The following AAK1 variants were observed in gnomAD, a reference collection of about 807,000 sequenced individuals.
AAK1 encodes AP2-associated protein kinase 1.
In AAK1, 37 loss-of-function variants were observed where a neutral mutation model predicts 116.0. That is an observed-to-expected ratio of 0.32 (90% confidence interval 0.25 to 0.42). AAK1 has a LOEUF of 0.42. Ranked by LOEUF, AAK1 falls within the 10% of genes least tolerant of loss-of-function variation. The probability of loss-of-function intolerance (pLI) is 1.00; values close to 1 mark genes in which losing one functional copy is unlikely to be tolerated. For missense variants in AAK1, 919 were observed against 1,170.6 expected (o/e 0.79, Z 3.14); for synonymous variants, 458 against 439.9 (o/e 1.04, Z -0.51).
At chr2:69,484,609 A>G (rs1392291113) in intron 17 of AAK1, among the ~76,000 whole-genome samples, 1 of 152,194 alleles carries the variant, frequency 6.6e-6, no homozygotes, top group Non-Finnish European at 1.5e-5. Flanking sequence ...CCTGGCCAAC[A>G]TGGGGAAATC....
At chr2:69,555,112 C>T (rs1245290558) in intron 3 of AAK1, among the ~76,000 whole-genome samples, 2 of 152,144 alleles carry the variant, frequency 1.3e-5, no homozygotes, top group Admixed American at 1.3e-4. Flanking sequence ...GGAAACAAAG[C>T]GTGTGAGAGC....
rs958958271 is a variant in AAK1 at position 69,474,537 on chromosome 2, A to T, written c.*1332T>A. The T allele has an allele frequency of 4.1e-6, 4 of 977,558 alleles. No homozygotes were observed. The highest frequency in any genetic ancestry group is 1.8e-5 in the African/African-American group (1 of 56,870). The allele number at this position is 977,558 out of a possible 1,614,324, so 60.6% of individuals were successfully genotyped here. A position where few individuals can be genotyped will look rare whatever the true frequency, so the allele number is the denominator to read the frequency against. On this transcript the variant is annotated 3_prime_UTR_variant, in exon 22 of 22. Coordinates refer to ENST00000409085, the MANE Select transcript of AAK1 (RefSeq NM_014911.5). ...AGTTAATAAAGAACTATGCTTTATT[A>T]TTTTTTTTTAATCTAGGAAGCCAAG...
chr2:69,582,423 G>A (rs1672589144), intron 2 of AAK1, among the ~76,000 whole-genome samples: 1 of 152,170 alleles, frequency 6.6e-6, no homozygotes, highest in Admixed American at 6.5e-5. Context: ...GTGTGTGCGT[G>A]CACACATGCA....
chr2:69,534,228 T>C (rs1670370294), intron 5 of AAK1, among the ~76,000 whole-genome samples: 2 of 152,196 alleles, frequency 1.3e-5, no homozygotes, highest in African/African-American at 4.8e-5. Context: ...ACTTGCTAAA[T>C]GTCACACAGC....
At position 69,473,268 on chromosome 2, in the gene AAK1, T is replaced by C; in HGVS notation, c.*2601A>G. 1.0e-6 allele frequency: 1 copy of C among 970,590 alleles called. No homozygotes were observed. Among genetic ancestry groups the C allele is most frequent in the Non-Finnish European group, 1.2e-6 (1 of 816,438 alleles). 60.1% of individuals were successfully genotyped at this position (970,590 alleles called of 1,614,324 possible). On this transcript the variant is annotated 3_prime_UTR_variant, in exon 22 of 22. Coordinates refer to ENST00000409085, the MANE Select transcript of AAK1 (RefSeq NM_014911.5). The stretch of plus-strand genomic sequence containing the variant: ...CAGCTCAGGTCCCACACCTGTAAAA[T>C]GAAGAGGATGGTGGACTAGAGGATG...
At chr2:69,574,402 G>GA in intron 2 of AAK1, among the ~76,000 whole-genome samples, 1 of 141,838 alleles carries the variant, frequency 7.1e-6, no homozygotes. Context: ...AAAAAAAAGA[G>GA]AAGAGAAAGA....
intron 16 of AAK1, among the ~76,000 whole-genome samples, chr2:69,500,733 A>ACACAC (rs1558913778): frequency 1.3e-4 from 18 of 142,792 alleles, no homozygotes; most frequent in African/African-American, 3.1e-4. Flanking sequence ...ACACACACAC[A>ACACAC]ACCATTTGCA....
At chr2:69,529,269 G>A (rs543716949) in intron 8 of AAK1, among the ~76,000 whole-genome samples, 2 of 152,282 alleles carry the variant, frequency 1.3e-5, no homozygotes, top group East Asian at 1.9e-4. Context: ...ACCCAAATGG[G>A]TTACTCAGGA....
At chr2:69,498,330 C>T (rs1439024411) in intron 16 of AAK1, among the ~76,000 whole-genome samples, 1 of 152,172 alleles carries the variant, frequency 6.6e-6, no homozygotes, top group Non-Finnish European at 1.5e-5. Context: ...CTCTGATTTC[C>T]TTCTTTCCCT....
intron 2 of AAK1, among the ~76,000 whole-genome samples, chr2:69,582,282 T>C (rs1458923559): frequency 6.6e-6 from 1 of 152,132 alleles, no homozygotes; most frequent in African/African-American, 2.4e-5. Context: ...ATATTTCAGA[T>C]CTCTTTGAAA....
chr2:69,554,335 A>G (rs936860754), intron 3 of AAK1, among the ~76,000 whole-genome samples: 3 of 152,196 alleles, frequency 2.0e-5, no homozygotes, highest in African/African-American at 7.2e-5. Flanking sequence ...ACTTAAGGAA[A>G]ATTGGGAATT....
chr2:69,525,232 G>T, intron 9 of AAK1, 120 bp from the exon 10 acceptor site: 1 of 933,788 alleles, frequency 1.1e-6, no homozygotes, highest in Non-Finnish European at 1.6e-6. Context: ...ATCTTCTGGA[G>T]CAGCTTCCAG....
At chr2:69,635,676 AG>A (rs1254290636) in intron 2 of AAK1, among the ~76,000 whole-genome samples, 1 of 152,366 alleles carries the variant, frequency 6.6e-6, no homozygotes, top group East Asian at 1.9e-4. Context: ...AAGTGAAATA[AG>A]CCAATGACAA....
chr2:69,503,267 A>G (rs975107985), intron 16 of AAK1, among the ~76,000 whole-genome samples: 1 of 152,252 alleles, frequency 6.6e-6, no homozygotes, highest in Non-Finnish European at 1.5e-5. Context: ...AAAAACTACT[A>G]ACATTCCTAA....
At position 69,608,418 on chromosome 2, in the gene AAK1, T is replaced by C. The variant is rs564917999; in HGVS notation, c.163+34460A>G. 4.6e-5 allele frequency among the ~76,000 whole-genome samples: 7 copies of C among 152,334 alleles called. No individual in the cohort carries two copies. The East Asian group carries it at 1.3e-3, about 29-fold the overall frequency. ...TGAAGAAGACAGAGACTCACAATTATCTCTCTAAGAATTCATCTCCCATGA... is the reference window on the plus strand; with the variant it reads ...TGAAGAAGACAGAGACTCACAATTACCTCTCTAAGAATTCATCTCCCATGA... On this transcript the variant is annotated intron_variant, in intron 2 of 21. Transcript: ENST00000409085.
At chr2:69,476,822 G>A in intron 21 of AAK1, 58 bp downstream of exon 21, 1 of 1,227,166 alleles carries the variant, frequency 8.1e-7, no homozygotes, top group Non-Finnish European at 1.2e-6. Context: ...TTAGGTGCAT[G>A]ACTATTTTGA....
rs1675858692 is a variant in AAK1 at position 69,643,632 on chromosome 2, C to G, written c.-292G>C. ...CAGCCCCGCGACATTGTCACGGCCG[C>G]CGGGCCGGCCTGCGACGCAGAGAAG... On this transcript the variant is annotated 5_prime_UTR_variant, in exon 1 of 22. Transcript: ENST00000409085. The G allele has an allele frequency of 1.2e-5, 15 of 1,228,290 alleles. No individual in the cohort carries two copies. The highest frequency in any genetic ancestry group is 1.5e-5 in the Non-Finnish European group (15 of 985,796). 76.1% of individuals were successfully genotyped at this position (1,228,290 alleles called of 1,614,324 possible).
intron 13 of AAK1, among the ~76,000 whole-genome samples, chr2:69,512,326 T>C (rs1366395815): frequency 6.6e-6 from 1 of 152,228 alleles, no homozygotes; most frequent in African/African-American, 2.4e-5. Flanking sequence ...TGGTACCTTA[T>C]ACTTTAAGTC....
chr2:69,476,887 G>C lies in AAK1; in HGVS notation c.2784C>G (p.Asn928Lys). 1 of 1,612,780 alleles carries C rather than the reference G, an allele frequency of 6.2e-7. No homozygotes were observed. Among genetic ancestry groups the C allele is most frequent in the Non-Finnish European group, 8.5e-7 (1 of 1,179,200 alleles). ...CCCCATCCTTTTTCTTACCTTGTGG[G>C]TTTTTGGTTATCAATACAGGAATAG... Reference protein sequence around the residue: ...FDPIPVLITKNPQGGHSRNSS... With the variant: ...FDPIPVLITKKPQGGHSRNSS... Residue 928 changes from asparagine to lysine, a missense_variant, in exon 21 of 22, where the codon AAC becomes AAG. This residue lies in a region of AAK1 where 263 missense variants were observed against 285.5 expected (regional missense o/e 0.92). Coordinates refer to ENST00000409085, the MANE Select transcript of AAK1 (RefSeq NM_014911.5).
Sources: allele counts gnomAD v4.1 joint callset (sites outside exome capture counted in the v4.1 genomes callset), GRCh38; gene constraint gnomAD v4.1.1; regional missense constraint gnomAD v4.1.1; transcripts MANE v1.5; gene names NCBI Gene and HGNC (gene_info 2026-07-23, HGNC 2026-07-21).